BOP1: variants seen among roughly 807,000 people sequenced by gnomAD.
BOP1 encodes the protein BOP1 ribosomal biogenesis factor, also known as ribosome biogenesis protein BOP1.
BOP1 carries 54 observed loss-of-function variants against 82.9 expected under a neutral mutation model. The observed-to-expected ratio is 0.65, with a 90% CI of 0.52 to 0.82. The LOEUF is 0.82. Ranked by LOEUF, BOP1 falls within the 40% of genes least tolerant of loss-of-function variation. The pLI is 0.00. For synonymous variants in BOP1, 566 were observed against 451.1 expected (o/e 1.25, Z -3.23); for missense variants, 1,170 against 1,072.0 (o/e 1.09, Z -1.28).
intron 2 of BOP1, among the ~76,000 whole-genome samples, chr8:144,280,079 G>A (rs925243831): frequency 7.9e-5 from 12 of 152,178 alleles, no homozygotes; most frequent in Admixed American, 1.3e-4. Context: ...CTGACCCCTC[G>A]AATCCAGAAT....
At chr8:144,280,140 C>T (rs899595897) in intron 2 of BOP1, among the ~76,000 whole-genome samples, 18 of 152,360 alleles carry the variant, frequency 1.2e-4, no homozygotes, top group African/African-American at 4.3e-4. Flanking sequence ...GGTGGCAGAA[C>T]AGCTGCCTGA....
At chr8:144,276,104 C>G in intron 3 of BOP1, 120 bp downstream of exon 3, 1 of 1,173,322 alleles carries the variant, frequency 8.5e-7, no homozygotes, top group Non-Finnish European at 1.3e-6. Context: ...TCCAACAGTG[C>G]GGCCCACCTG....
intron 3 of BOP1, among the ~76,000 whole-genome samples, chr8:144,271,119 G>A (rs1845485474): frequency 6.6e-6 from 1 of 151,936 alleles, no homozygotes; most frequent in South Asian, 2.1e-4. Context: ...CCCAGCATCA[G>A]GGCTCTCCTG....
intron 3 of BOP1, 42 bp from the exon 4 acceptor site, chr8:144,265,113 GCCCACCC>G: frequency 6.3e-7 from 1 of 1,587,186 alleles, no homozygotes; most frequent in Admixed American, 1.7e-5. Flanking sequence ...ATCCTACAAG[GCCCACCC>G]CCGCTTCGGG....
At chr8:144,276,184 C>T (rs903921496) in intron 3 of BOP1, 40 bp downstream of exon 3, 13 of 1,607,664 alleles carry the variant, frequency 8.1e-6, no homozygotes, top group East Asian at 4.5e-5. Flanking sequence ...GTGATGGAAG[C>T]CGCCCCACCC....
intron 11 of BOP1, 23 bp from the exon 12 acceptor site, chr8:144,263,424 G>GT: frequency 6.3e-7 from 1 of 1,597,786 alleles, no homozygotes; most frequent in East Asian, 2.2e-5. Flanking sequence ...CCCAGACACG[G>GT]CCCCTAAGCA....
intron 3 of BOP1, among the ~76,000 whole-genome samples, chr8:144,269,737 G>T (rs961980159): frequency 6.6e-6 from 1 of 152,204 alleles, no homozygotes; most frequent in Non-Finnish European, 1.5e-5. Flanking sequence ...TCCGCCCGCC[G>T]GGAAGCCAGG....
At chr8:144,267,041 G>A in intron 3 of BOP1, 7 of 1,509,342 alleles carry the variant, frequency 4.6e-6, no homozygotes, top group Non-Finnish European at 6.2e-6. Flanking sequence ...GGACAGCCCT[G>A]CCACTCCGGG....
At chr8:144,286,999 T>C (rs937515879) in intron 2 of BOP1, among the ~76,000 whole-genome samples, 1 of 152,216 alleles carries the variant, frequency 6.6e-6, no homozygotes, top group Admixed American at 6.5e-5. Flanking sequence ...TTGGATATGT[T>C]ATTATGCGAA....
intron 1 of BOP1, among the ~76,000 whole-genome samples, chr8:144,290,718 G>A (rs1187002901): frequency 6.6e-6 from 1 of 152,204 alleles, no homozygotes; most frequent in African/African-American, 2.4e-5. Context: ...CAAAGCAATG[G>A]GGCAGTTTCA....
chr8:144,279,518 T>G (rs1845635742), intron 2 of BOP1, among the ~76,000 whole-genome samples: 1 of 152,104 alleles, frequency 6.6e-6, no homozygotes, highest in African/African-American at 2.4e-5. Flanking sequence ...AGGACCCCCA[T>G]CTATCAGGCC....
At position 144,265,016 on chromosome 8, in the gene BOP1, T is replaced by G; in HGVS notation, c.446A>C (p.His149Pro). The change falls in exon 4 of 16, where the codon CAC (histidine) becomes CCC (proline). Residue 149 changes from histidine to proline, a missense_variant. By Grantham distance (77) the His-to-Pro change is moderately conservative. Coordinates refer to ENST00000569669, the MANE Select transcript of BOP1 (RefSeq NM_015201.5). ...CCTGCCATCCAGGTCGTAGCCCACG[T>G]GGGGGAAGTCATCGTACCACTCCAA... ...VPLEWYDDFPHVGYDLDGRRI... is the reference protein window; with the variant it reads ...VPLEWYDDFPPVGYDLDGRRI... 6.2e-7 allele frequency: 1 copy of G among 1,612,240 alleles called. No homozygotes were observed. The highest frequency in any genetic ancestry group is 2.2e-5 in the East Asian group (1 of 44,848).
At chr8:144,267,988 G>A (rs1007082227) in intron 3 of BOP1, 24 of 1,468,568 alleles carry the variant, frequency 1.6e-5, no homozygotes, top group East Asian at 2.5e-5. Flanking sequence ...GGGGAGAGCC[G>A]GGAAGGAGGT....
intron 2 of BOP1, among the ~76,000 whole-genome samples, chr8:144,287,124 C>T (rs1213139194): frequency 6.6e-6 from 1 of 152,164 alleles, no homozygotes; most frequent in African/African-American, 2.4e-5. Flanking sequence ...ATTCTAACGC[C>T]TCAGCCTCCC....
chr8:144,264,270 G>C lies in BOP1; in HGVS notation c.933C>G (p.Ala311=), dbSNP rs1845305436. 2 of 1,610,888 alleles carry C rather than the reference G, an allele frequency of 1.2e-6. No individual in the cohort carries two copies. The highest frequency in any genetic ancestry group is 2.2e-5 in the East Asian group (1 of 44,858). The change falls in exon 7 of 16, where the codon GCC becomes GCG. Residue 311 remains alanine (A), a synonymous_variant. Coordinates refer to ENST00000569669, the MANE Select transcript of BOP1 (RefSeq NM_015201.5). Reference sequence around the variant, plus strand: ...ATTCAGGGGGTGGGTTGTACGACTCGGCGTGGCCTGGCAGGGCCAGCTTGG... The same window carrying C: ...ATTCAGGGGGTGGGTTGTACGACTCCGCGTGGCCTGGCAGGGCCAGCTTGG... The part of the protein sequence containing the change: ...PAPKLALPGH[A]ESYNPPPEYL...
In BOP1 at chr8:144,264,501, G is replaced by A. The variant is rs1348580778; in HGVS notation, c.765+14C>T. On this transcript the variant is annotated intron_variant, in intron 6 of 15. Transcript: ENST00000569669. ...GGTCAGCCCAGGCCAAGCCCCAGGG[G>A]CTGTGTGCCCCACCTTCTCCTTCTC... 22 of 1,609,060 alleles carry A rather than the reference G, an allele frequency of 1.4e-5. No individual in the cohort carries two copies. The highest frequency in any genetic ancestry group is 1.8e-4 in the Middle Eastern group (1 of 5,714).
In BOP1 at chr8:144,276,246, G is replaced by A. The variant is rs1019799117; in HGVS notation, c.368C>T (p.Ala123Val). 78 of 1,613,480 alleles carry A rather than the reference G, an allele frequency of 4.8e-5. No homozygotes were observed. Among genetic ancestry groups the A allele is most frequent in the African/African-American group, 8.0e-5 (6 of 75,010 alleles). The part of the protein sequence containing the change: ...MASARIGDEY[A>V]EDSSDEEDIR... ...TACCTCCTCATCAGAGCTGTCCTCC[G>A]CATACTCATCCCCAATCCGGGCGCT... Residue 123 changes from alanine (A) to valine (V), a missense_variant, in exon 3 of 16, where the codon GCG becomes GTG. Ala to Val is a moderately conservative substitution (Grantham distance 64). Coordinates refer to ENST00000569669, the MANE Select transcript of BOP1 (RefSeq NM_015201.5).
intron 3 of BOP1, among the ~76,000 whole-genome samples, chr8:144,274,629 C>T (rs1351695420): frequency 2.6e-5 from 4 of 152,350 alleles, no homozygotes; most frequent in South Asian, 2.1e-4. Flanking sequence ...CGGGCTCCCT[C>T]GCTGTCACTC....
chr8:144,279,501 G>C (rs1272862565), intron 2 of BOP1, among the ~76,000 whole-genome samples: 1 of 152,212 alleles, frequency 6.6e-6, no homozygotes, highest in African/African-American at 2.4e-5. Context: ...GTGCAGAGAG[G>C]GGCCCAAGGA....
Sources: allele counts gnomAD v4.1 joint callset (sites outside exome capture counted in the v4.1 genomes callset), GRCh38; gene constraint gnomAD v4.1.1; transcripts MANE v1.5; gene names NCBI Gene and HGNC (gene_info 2026-07-23, HGNC 2026-07-21).